DDX27: variants seen among roughly 807,000 people sequenced by gnomAD.
The protein encoded by DDX27 is DEAD-box helicase 27.
DDX27 carries 42 observed loss-of-function variants against 99.3 expected under a neutral mutation model. That is an observed-to-expected ratio of 0.42 (90% CI 0.33 to 0.55). The LOEUF (loss-of-function observed/expected upper bound fraction) is 0.55. Among genes scored for constraint, DDX27 ranks in the 20% least tolerant of loss-of-function variants. The probability of loss-of-function intolerance (pLI) is 0.07; values close to 1 mark genes in which losing one functional copy is unlikely to be tolerated. For missense variants in DDX27, 798 were observed against 976.8 expected (o/e 0.82, Z 2.44); for synonymous variants, 329 against 353.8 (o/e 0.93, Z 0.79).
At chr20:49,226,360 C>A in intron 6 of DDX27, 70 bp from the exon 7 acceptor site, 1 of 1,221,230 alleles carries the variant, frequency 8.2e-7, no homozygotes, top group Non-Finnish European at 1.2e-6. Flanking sequence ...TGTCTGGAAA[C>A]CTGCCCTGTT....
At position 49,236,745 on chromosome 20, in the gene DDX27, TGAGAA is replaced by T. The variant is rs1980322478; in HGVS notation, c.1687+242_1687+246del. On this transcript the variant is annotated intron_variant, in intron 14 of 20. Coordinates refer to ENST00000618172, the MANE Select transcript of DDX27 (RefSeq NM_017895.8). This position sits in a 1 kb window ranked among gnomAD's most constrained non-coding sequence, Gnocchi z 4.1. ...CACAGTGCCCCATTTAGGTGGAAAT[TGAGAA>T]GAGAAGGTTGCTTGGGGCAAAATTC... is the stretch of plus-strand genomic sequence containing the variant. Among the ~76,000 whole-genome samples the T allele has an allele frequency of 6.6e-6, 1 of 152,124 alleles. No homozygotes were observed. Among genetic ancestry groups the T allele is most frequent in the South Asian group, 2.1e-4 (1 of 4,824 alleles).
Position 49,222,966 on chromosome 20 carries a change from A to G in DDX27, c.250A>G (p.Thr84Ala). Residue 84 changes from threonine to alanine, a missense_variant, in exon 3 of 21, where the codon ACT becomes GCT. Transcript: ENST00000618172. ...TTATTTTTATCTGCAGAGGGCAGCC[A>G]CTACATTAGATGAGAAGATTGAGAA... ...MSQLKKKRAA[T>A]TLDEKIEKVR... 1 of 1,612,650 alleles carries G rather than the reference A, an allele frequency of 6.2e-7. No individual in the cohort carries two copies. Among genetic ancestry groups the G allele is most frequent in the Non-Finnish European group, 8.5e-7 (1 of 1,179,350 alleles).
At chr20:49,225,930 A>G (rs574922143) in intron 6 of DDX27, among the ~76,000 whole-genome samples, 22 of 152,162 alleles carry the variant, frequency 1.4e-4, no homozygotes, top group African/African-American at 4.3e-4. Flanking sequence ...CTCTGGCCAC[A>G]CTGGCCTCCT....
intron 4 of DDX27, among the ~76,000 whole-genome samples, chr20:49,223,885 A>C (rs1003982996): frequency 7.2e-5 from 11 of 152,042 alleles, no homozygotes; most frequent in African/African-American, 1.7e-4. Flanking sequence ...TGTCTCAAAA[A>C]ACAAAACAAA....
chr20:49,236,222 G>T lies in DDX27; in HGVS notation c.1500G>T (p.Gly500=). The T allele has an allele frequency of 1.9e-6, 3 of 1,606,692 alleles. No individual in the cohort carries two copies. The highest frequency in any genetic ancestry group is 2.5e-6 in the Non-Finnish European group (3 of 1,176,580). ...DVAARGLDIE[G]VKTVINFTMP... ...CAGCCCGTGGACTTGACATTGAGGG[G>T]GTCAAAACGGTGAGCAGACACTATC... Residue 500 remains glycine, a synonymous_variant, in exon 13 of 21, where the codon GGG becomes GGT. Coordinates refer to ENST00000618172, the MANE Select transcript of DDX27 (RefSeq NM_017895.8). This position sits in a 1 kb window ranked among gnomAD's most constrained non-coding sequence, Gnocchi z 4.1.
In DDX27 at chr20:49,234,905, GCTGCCAGCTCAGTCCTCTCTTC is replaced by G; in HGVS notation, c.1274-20_1275del. 1 of 1,556,398 alleles carries G rather than the reference GCTGCCAGCTCAGTCCTCTCTTC, an allele frequency of 6.4e-7. No homozygotes were observed. Among genetic ancestry groups the G allele is most frequent in the East Asian group, 2.3e-5 (1 of 43,910 alleles). On this transcript the variant is annotated splice_polypyrimidine_tract_variant and splice_region_variant and intron_variant, in intron 11 of 20. Coordinates refer to ENST00000618172, the MANE Select transcript of DDX27 (RefSeq NM_017895.8). ...CATGTTGAATAAGAGCCTAGAAACAGCTGCCAGCTCAGTCCTCTCTTCCTGCCAGCTTTGTTGACGAGGACCT... is the reference window on the plus strand; with the variant it reads ...CATGTTGAATAAGAGCCTAGAAACAGCTGCCAGCTTTGTTGACGAGGACCT...
Position 49,235,102 on chromosome 20 carries a change from T to C in DDX27, c.1427+14T>C, listed in dbSNP as rs1568976031. 2 of 1,586,938 alleles carry C rather than the reference T, an allele frequency of 1.3e-6. No individual in the cohort carries two copies. Among genetic ancestry groups the C allele is most frequent in the East Asian group, 2.2e-5 (1 of 44,514 alleles). ...GGAGGCCCTCCGGTAACATTTGGGG[T>C]GGGGACTGAGGCTCCCACCATCCTT... On this transcript the variant is annotated intron_variant, in intron 12 of 20. Transcript: ENST00000618172.
chr20:49,226,810 T>G (rs1188163046), intron 7 of DDX27, among the ~76,000 whole-genome samples: 1 of 144,592 alleles, frequency 6.9e-6, no homozygotes, highest in Non-Finnish European at 1.5e-5. Flanking sequence ...CCATAAAATT[T>G]TTGTAACACA....
In DDX27 at chr20:49,225,133, A is replaced by C; in HGVS notation, c.534A>C (p.Glu178Asp). 6.2e-7 allele frequency: 1 copy of C among 1,613,990 alleles called. No homozygotes were observed. The highest frequency in any genetic ancestry group is 8.5e-7 in the Non-Finnish European group (1 of 1,179,922). Residue 178 changes from glutamate to aspartate, a missense_variant, in exon 6 of 21, where the codon GAA becomes GAC. Physicochemically the swap from Glu to Asp is conservative, Grantham distance 45 (BLOSUM62 2). Around this residue, in one of 2 missense-constraint regions of DDX27, gnomAD observed 245 missense variants for 248.8 expected, o/e 0.98. Coordinates refer to ENST00000618172, the MANE Select transcript of DDX27 (RefSeq NM_017895.8). Reference protein sequence around the residue: ...KKGQEAGGFFEDASQYDENLS... With the variant: ...KKGQEAGGFFDDASQYDENLS... ...TGTAGGAAGCAGGAGGATTTTTTGAAGATGCATCTCAGTACGATGAAAACC... is the reference window on the plus strand; with the variant it reads ...TGTAGGAAGCAGGAGGATTTTTTGACGATGCATCTCAGTACGATGAAAACC...
rs1251672135 is a variant in DDX27, at chr20:49,223,097, C to G, written c.300+81C>G. ...CGACCCCAGCATCTCTCTGGAAGCC[C>G]TTATAGAGCGGGGCATGGCTGGGGC... On this transcript the variant is annotated intron_variant, in intron 3 of 20. Coordinates refer to ENST00000618172, the MANE Select transcript of DDX27 (RefSeq NM_017895.8). The G allele has an allele frequency of 5.4e-6, 8 of 1,473,988 alleles. No homozygotes were observed. The South Asian group carries it at 7.1e-5, about 13-fold the overall frequency. 91.3% of individuals were successfully genotyped at this position (1,473,988 alleles called of 1,614,324 possible). A position where few individuals can be genotyped will look rare whatever the true frequency, so the allele number is the denominator to read the frequency against.
Position 49,233,574 on chromosome 20 carries a change from G to T in DDX27, c.1138G>T (p.Asp380Tyr), listed in dbSNP as rs140928753. 3.0e-5 allele frequency: 48 copies of T among 1,612,620 alleles called. No homozygotes were observed. The African/African-American group carries it at 4.8e-4, about 16-fold the overall frequency. The change falls in exon 11 of 21, where the codon GAT becomes TAT. Residue 380 changes from aspartate (D) to tyrosine (Y), a missense_variant. By Grantham distance (160) the Asp-to-Tyr change is radical. This residue lies in a region of DDX27 where 553 missense variants were observed against 727.9 expected (regional missense o/e 0.76). Transcript: ENST00000618172. ...FSATMTDEVKDLASVSLKNPV... is the reference protein window; with the variant it reads ...FSATMTDEVKYLASVSLKNPV... Reference sequence around the variant, plus strand: ...CTGGCTTTGTGCTTGGCAGGTGAAAGATCTGGCTTCTGTCTCCTTGAAGAA... The same window carrying T: ...CTGGCTTTGTGCTTGGCAGGTGAAATATCTGGCTTCTGTCTCCTTGAAGAA...
At chr20:49,239,588 G>A (rs971250722) in intron 16 of DDX27, among the ~76,000 whole-genome samples, 6 of 152,136 alleles carry the variant, frequency 3.9e-5, no homozygotes, top group Admixed American at 6.5e-5. Flanking sequence ...AGAATCTAAT[G>A]CTGCTGCTGA....
In DDX27 at chr20:49,235,068, G is replaced by A. The variant is rs1361230916; in HGVS notation, c.1407G>A (p.Thr469=). The A allele has an allele frequency of 2.5e-6, 4 of 1,608,472 alleles. No homozygotes were observed. The highest frequency in any genetic ancestry group is 2.5e-6 in the Non-Finnish European group (3 of 1,177,002). Residue 469 remains threonine (T), a synonymous_variant, in exon 12 of 21, where the codon ACG becomes ACA. Coordinates refer to ENST00000618172, the MANE Select transcript of DDX27 (RefSeq NM_017895.8). ...VGELHGNLSQ[T]QRLEALRRFK... ...AGCTCCATGGCAACTTGTCACAGAC[G>A]CAGCGGCTGGAGGCCCTCCGGTAAC...
intron 19 of DDX27, among the ~76,000 whole-genome samples, chr20:49,243,045 A>G (rs535316059): frequency 1.3e-5 from 2 of 152,090 alleles, no homozygotes; most frequent in Non-Finnish European, 2.9e-5. Flanking sequence ...AATGGAAGCT[A>G]TGAGTCTTCT....
intron 9 of DDX27, among the ~76,000 whole-genome samples, chr20:49,232,134 G>T (rs1252565324): frequency 6.6e-6 from 1 of 152,024 alleles, no homozygotes; most frequent in Non-Finnish European, 1.5e-5. Flanking sequence ...ACACCCTTCT[G>T]CCTCGGCTTC....
At chr20:49,221,050 C>T (rs188531751) in intron 1 of DDX27, among the ~76,000 whole-genome samples, 1 of 152,184 alleles carries the variant, frequency 6.6e-6, no homozygotes, top group Non-Finnish European at 1.5e-5. Context: ...CAGCCTCCCC[C>T]TCCCGGGTTC....
intron 4 of DDX27, 26 bp from the exon 5 acceptor site, chr20:49,224,919 G>A: frequency 6.2e-7 from 1 of 1,613,996 alleles, no homozygotes; most frequent in Non-Finnish European, 8.5e-7. Flanking sequence ...CTGAGCCGTG[G>A]TCATCAGCTA....
chr20:49,234,978 G>A lies in DDX27; in HGVS notation c.1317G>A (p.Thr439=), dbSNP rs200030358. 3.0e-5 allele frequency: 48 copies of A among 1,612,790 alleles called. No homozygotes were observed. In the South Asian group the frequency reaches 3.3e-4, roughly 11 times the overall value. The change falls in exon 12 of 21, where the codon ACG becomes ACA. Residue 439 remains threonine, a synonymous_variant. Coordinates refer to ENST00000618172, the MANE Select transcript of DDX27 (RefSeq NM_017895.8). The part of the protein sequence containing the change: ...RTFTDHVMLF[T]QTKKQAHRMH... Reference sequence around the variant, plus strand: ...TCACTGACCATGTGATGCTGTTCACGCAAACCAAGAAGCAGGCCCACCGCA... The same window carrying A: ...TCACTGACCATGTGATGCTGTTCACACAAACCAAGAAGCAGGCCCACCGCA...
At position 49,243,639 on chromosome 20, in the gene DDX27, G is replaced by C; in HGVS notation, c.2215G>C (p.Glu739Gln). Reference sequence around the variant, plus strand: ...CATCTTCTCTCACAGCCCTTCCTTTGAAGAAAGGAAACAGTTGGGCTTGCC... The same window carrying C: ...CATCTTCTCTCACAGCCCTTCCTTTCAAGAAAGGAAACAGTTGGGCTTGCC... ...LKQYRAGPSF[E>Q]ERKQLGLPHQ... The change falls in exon 20 of 21, where the codon GAA becomes CAA. Residue 739 changes from glutamate (E) to glutamine (Q), a missense_variant. Around this residue, in one of 2 missense-constraint regions of DDX27, gnomAD observed 553 missense variants for 727.9 expected, o/e 0.76. Transcript: ENST00000618172. 6.2e-7 allele frequency: 1 copy of C among 1,614,090 alleles called. No individual in the cohort carries two copies. Among genetic ancestry groups the C allele is most frequent in the South Asian group, 1.1e-5 (1 of 91,076 alleles).
Sources: gnomAD v4.1 joint callset for allele counts (sites outside exome capture counted in the v4.1 genomes callset) on GRCh38, gnomAD v4.1.1 for gene constraint, gnomAD v4.1.1 regional missense constraint, Gnocchi (gnomAD v3.1) non-coding constraint, MANE v1.5 for transcripts, NCBI Gene and HGNC (gene_info 2026-07-23, HGNC 2026-07-21) for gene names.